The following RHEB variants were observed in gnomAD, a reference collection of about 807,000 sequenced individuals.
The protein encoded by RHEB is Ras homolog, mTORC1 binding, also known as GTP-binding protein Rheb.
In RHEB, 2 loss-of-function variants were observed where a neutral mutation model predicts 28.8. That is an observed-to-expected ratio of 0.07 (90% confidence interval 0.03 to 0.22). The LOEUF is 0.22. Ranked by LOEUF, RHEB falls within the 10% of genes least tolerant of loss-of-function variation. The pLI, the probability that RHEB is intolerant of heterozygous loss-of-function variation, is 1.00. For missense variants in RHEB, 76 were observed against 219.9 expected (o/e 0.35, Z 4.14); for synonymous variants, 69 against 77.3 (o/e 0.89, Z 0.56).
At chr7:151,482,218 T>C (rs1802390790) in intron 3 of RHEB, among the ~76,000 whole-genome samples, 1 of 152,210 alleles carries the variant, frequency 6.6e-6, no homozygotes, top group Non-Finnish European at 1.5e-5. Context: ...TATTTATAGA[T>C]AAAGCTCTGA....
chr7:151,507,478 G>A (rs1373775177), intron 1 of RHEB, among the ~76,000 whole-genome samples: 2 of 152,130 alleles, frequency 1.3e-5, no homozygotes, highest in African/African-American at 2.4e-5. Context: ...CCACATGTCC[G>A]TCATATAGAG....
intron 3 of RHEB, among the ~76,000 whole-genome samples, chr7:151,484,270 A>G (rs1802428395): frequency 6.6e-6 from 1 of 152,224 alleles, no homozygotes; most frequent in Non-Finnish European, 1.5e-5. Flanking sequence ...AAAGCAACTA[A>G]TATGACTCTC....
chr7:151,486,298 A>G (rs1472565950), intron 2 of RHEB, among the ~76,000 whole-genome samples: 2 of 152,200 alleles, frequency 1.3e-5, no homozygotes, highest in Non-Finnish European at 2.9e-5. Flanking sequence ...AAGGTTACTG[A>G]AAGGAAACAT....
At chr7:151,508,112 T>C (rs1165409025) in intron 1 of RHEB, among the ~76,000 whole-genome samples, 5 of 152,152 alleles carry the variant, frequency 3.3e-5, no homozygotes, top group Non-Finnish European at 2.9e-5. Flanking sequence ...GTGGCCAATC[T>C]GGAGAGAAGA....
At chr7:151,519,087 G>C (rs1200293824) in intron 1 of RHEB, 3 of 152,736 alleles carry the variant, frequency 2.0e-5, no homozygotes, top group African/African-American at 4.8e-5. Context: ...CCGCGGCGAA[G>C]GCGGGGAGGC....
intron 1 of RHEB, chr7:151,503,184 T>C: frequency 1.3e-6 from 1 of 785,006 alleles, no homozygotes; most frequent in Non-Finnish European, 2.3e-6. Flanking sequence ...AAGGAGAAAA[T>C]TCTCTAACTC....
intron 2 of RHEB, among the ~76,000 whole-genome samples, chr7:151,488,047 C>A (rs749380212): frequency 4.6e-5 from 7 of 152,178 alleles, no homozygotes; most frequent in African/African-American, 1.2e-4. Flanking sequence ...TTCTGGAAGG[C>A]GCTTTGTCAT....
In RHEB at chr7:151,466,918, T is replaced by G. The variant is rs1192701284; in HGVS notation, c.*201A>C. ...ACAATATATAAATTGAAAATATGAT[T>G]GCTTAAAATTTGAAAATGGAAGTGA... On this transcript the variant is annotated 3_prime_UTR_variant, in exon 8 of 8. Transcript: ENST00000262187. 1.1e-5 allele frequency: 5 copies of G among 467,974 alleles called. No individual in the cohort carries two copies. Among genetic ancestry groups the G allele is most frequent in the East Asian group, 6.7e-5 (2 of 29,876 alleles). The allele number at this position is 467,974 out of a possible 1,614,324, so 29.0% of individuals were successfully genotyped here.
intron 1 of RHEB, among the ~76,000 whole-genome samples, chr7:151,498,852 G>A (rs1802719345): frequency 6.6e-6 from 1 of 152,150 alleles, no homozygotes; most frequent in African/African-American, 2.4e-5. Flanking sequence ...CCTCCTAACA[G>A]CTGTATTTTT....
At chr7:151,495,113 A>G (rs1208442135) in intron 1 of RHEB, among the ~76,000 whole-genome samples, 4 of 152,192 alleles carry the variant, frequency 2.6e-5, no homozygotes, top group Non-Finnish European at 4.4e-5. Flanking sequence ...CAATAACTTC[A>G]TATATTTACT....
At chr7:151,516,549 G>C (rs907739913) in intron 1 of RHEB, among the ~76,000 whole-genome samples, 21 of 149,656 alleles carry the variant, frequency 1.4e-4, no homozygotes, top group Non-Finnish European at 1.0e-4. Flanking sequence ...GTTGAACCTG[G>C]GCAGCAGAGG....
At chr7:151,492,478 G>A (rs778778973) in intron 1 of RHEB, among the ~76,000 whole-genome samples, 28 of 151,872 alleles carry the variant, frequency 1.8e-4, no homozygotes, top group Admixed American at 5.9e-4. Context: ...TTACCCAAGC[G>A]TGGTGATGGG....
At chr7:151,506,377 G>C (rs1802880138) in intron 1 of RHEB, among the ~76,000 whole-genome samples, 1 of 151,974 alleles carries the variant, frequency 6.6e-6, no homozygotes, top group African/African-American at 2.4e-5. Context: ...TAAACAGTAT[G>C]AGATGGTGGT....
chr7:151,510,111 CAT>C (rs1395247923), intron 1 of RHEB, among the ~76,000 whole-genome samples: 10 of 152,304 alleles, frequency 6.6e-5, no homozygotes, highest in South Asian at 4.1e-4. Flanking sequence ...TTGGCAAACA[CAT>C]GAGTCCCGAC....
chr7:151,467,029 A>G lies in RHEB; in HGVS notation c.*90T>C. 2.1e-6 allele frequency: 2 copies of G among 931,200 alleles called. No individual in the cohort carries two copies. The highest frequency in any genetic ancestry group is 3.5e-6 in the Non-Finnish European group (2 of 578,932). The allele number at this position is 931,200 out of a possible 1,614,324, so 57.7% of individuals were successfully genotyped here. ...GATATCTTTCAGGTTAACAGAAGAAAAAAGAAGCATAGTTTATCTTCAAGG... is the reference window on the plus strand; with the variant it reads ...GATATCTTTCAGGTTAACAGAAGAAGAAAGAAGCATAGTTTATCTTCAAGG... On this transcript the variant is annotated 3_prime_UTR_variant, in exon 8 of 8. Coordinates refer to ENST00000262187, the MANE Select transcript of RHEB (RefSeq NM_005614.4).
chr7:151,477,073 A>T (rs1371644691), intron 4 of RHEB, among the ~76,000 whole-genome samples: 1 of 152,230 alleles, frequency 6.6e-6, no homozygotes, highest in Non-Finnish European at 1.5e-5. Context: ...CAATTAGCAG[A>T]AAAGCTTAGA....
intron 1 of RHEB, among the ~76,000 whole-genome samples, chr7:151,514,414 C>T (rs963949250): frequency 3.3e-5 from 5 of 152,040 alleles, no homozygotes; most frequent in African/African-American, 4.8e-5. Flanking sequence ...AGGACACCAT[C>T]GAGAAGGTAA....
At chr7:151,497,164 A>T (rs1418677252) in intron 1 of RHEB, among the ~76,000 whole-genome samples, 1 of 151,984 alleles carries the variant, frequency 6.6e-6, no homozygotes, top group Non-Finnish European at 1.5e-5. Flanking sequence ...TTCCACAACC[A>T]TGTGGGCTGG....
intron 3 of RHEB, among the ~76,000 whole-genome samples, chr7:151,480,686 A>AT (rs1491078451): frequency 1.3e-4 from 8 of 59,460 alleles, no homozygotes; most frequent in Middle Eastern, 8.3e-3. Context: ...ATTATTAATT[A>AT]TTATTTTTTT....
Sources: allele counts gnomAD v4.1 joint callset (sites outside exome capture counted in the v4.1 genomes callset), GRCh38; gene constraint gnomAD v4.1.1; transcripts MANE v1.5; gene names NCBI Gene and HGNC (gene_info 2026-07-23, HGNC 2026-07-21).